The following DLGAP1 variants were observed in gnomAD, a reference collection of about 807,000 sequenced individuals.
The protein encoded by DLGAP1 is disks large-associated protein 1.
In DLGAP1, 11 loss-of-function variants were observed where a neutral mutation model predicts 90.8. The observed-to-expected ratio is 0.12, with a 90% CI of 0.08 to 0.20. DLGAP1 has a LOEUF of 0.20. Ranked by LOEUF, DLGAP1 falls within the 10% of genes least tolerant of loss-of-function variation. The pLI is 1.00. For missense variants in DLGAP1, 1,050 were observed against 1,333.8 expected (o/e 0.79, Z 3.31); for synonymous variants, 558 against 540.7 (o/e 1.03, Z -0.44).
chr18:3,841,640 C>A (rs1273401667), intron 4 of DLGAP1, among the ~76,000 whole-genome samples: 1 of 152,166 alleles, frequency 6.6e-6, no homozygotes, highest in African/African-American at 2.4e-5. Context: ...TCAGTTCTTT[C>A]ATTTACAAAA....
intron 1 of DLGAP1, among the ~76,000 whole-genome samples, chr18:4,196,836 G>C (rs191837620): frequency 6.6e-6 from 1 of 152,184 alleles, no homozygotes; most frequent in Non-Finnish European, 1.5e-5. Flanking sequence ...TTTTCACAAA[G>C]AGAAGCACAA....
intron 7 of DLGAP1, among the ~76,000 whole-genome samples, chr18:3,614,172 G>A (rs867132323): frequency 1.2e-4 from 17 of 141,132 alleles, no homozygotes; most frequent in African/African-American, 3.1e-4. Flanking sequence ...CGCCCGCCTC[G>A]GCCTCCCAAA....
intron 1 of DLGAP1, among the ~76,000 whole-genome samples, chr18:4,451,051 T>C (rs922501517): frequency 9.2e-5 from 14 of 152,292 alleles, no homozygotes; most frequent in African/African-American, 3.4e-4. Flanking sequence ...AATCATTAAC[T>C]CCTATAGGAG....
chr18:4,297,239 G>A (rs2080006405), intron 1 of DLGAP1, among the ~76,000 whole-genome samples: 1 of 152,074 alleles, frequency 6.6e-6, no homozygotes, highest in South Asian at 2.1e-4. Context: ...ATGCCAAGAA[G>A]GGGCAGAGAA....
In DLGAP1 at chr18:3,879,380, C is replaced by A; in HGVS notation, c.689G>T (p.Arg230Leu). 2.5e-6 allele frequency: 4 copies of A among 1,613,182 alleles called. No homozygotes were observed. Among genetic ancestry groups the A allele is most frequent in the Non-Finnish European group, 3.4e-6 (4 of 1,179,838 alleles). The change falls in exon 4 of 13, where the codon CGC becomes CTC. Residue 230 changes from arginine (R) to leucine (L), a missense_variant. Physicochemically the swap from Arg to Leu is moderately radical, Grantham distance 102 (BLOSUM62 -2). Coordinates refer to ENST00000315677, the MANE Select transcript of DLGAP1 (RefSeq NM_004746.4). The surrounding 1 kb of genome is among the most constrained non-coding windows in gnomAD (Gnocchi z 6.6). Reference sequence around the variant, plus strand: ...CTCCAGGAAGTACTGTGAGGCCGAGCGGTCGGGGCACCTGCCCATGGTCAT... The same window carrying A: ...CTCCAGGAAGTACTGTGAGGCCGAGAGGTCGGGGCACCTGCCCATGGTCAT... ...GVMTMGRCPD[R>L]SASQYFLEAY...
chr18:3,928,217 C>T (rs944987714), intron 3 of DLGAP1, among the ~76,000 whole-genome samples: 1 of 152,230 alleles, frequency 6.6e-6, no homozygotes, highest in Non-Finnish European at 1.5e-5. Context: ...CATCTGACTA[C>T]AACAACACAC....
chr18:4,451,303 T>G (rs2083822559), intron 1 of DLGAP1, among the ~76,000 whole-genome samples: 1 of 152,134 alleles, frequency 6.6e-6, no homozygotes, highest in African/African-American at 2.4e-5. Context: ...CCTCATTTTT[T>G]TCTTGTTCTC....
chr18:3,943,662 T>C (rs1038585285), intron 3 of DLGAP1, among the ~76,000 whole-genome samples: 39 of 152,324 alleles, frequency 2.6e-4, no homozygotes, highest in African/African-American at 9.4e-4. Flanking sequence ...AGCCTATAAT[T>C]CATTTTTTCT....
intron 10 of DLGAP1, among the ~76,000 whole-genome samples, chr18:3,523,710 G>A (rs1315430227): frequency 2.6e-5 from 4 of 152,184 alleles, no homozygotes; most frequent in Non-Finnish European, 4.4e-5. Context: ...AGCCAGGCGT[G>A]GTGGCGTGCG....
At chr18:3,703,640 T>G (rs1450403281) in intron 7 of DLGAP1, among the ~76,000 whole-genome samples, 2 of 152,182 alleles carry the variant, frequency 1.3e-5, no homozygotes, top group Non-Finnish European at 2.9e-5. Flanking sequence ...CTCTGCATTC[T>G]TCTTCTCTTT....
intron 7 of DLGAP1, among the ~76,000 whole-genome samples, chr18:3,600,911 G>T (rs1322286510): frequency 9.4e-5 from 7 of 74,492 alleles, no homozygotes; most frequent in Admixed American, 2.5e-4. Context: ...TAGATATATA[G>T]ATAGATATAG....
chr18:3,572,746 G>A (rs1025829481), intron 8 of DLGAP1, among the ~76,000 whole-genome samples: 2 of 151,940 alleles, frequency 1.3e-5, no homozygotes, highest in African/African-American at 2.4e-5. Context: ...CACTACACCC[G>A]GCCTTTAGTT....
intron 7 of DLGAP1, among the ~76,000 whole-genome samples, chr18:3,622,655 T>A (rs2058138084): frequency 6.6e-6 from 1 of 152,156 alleles, no homozygotes; most frequent in Non-Finnish European, 1.5e-5. Flanking sequence ...AGGGGGCTGT[T>A]TCCTCTCATC....
intron 4 of DLGAP1, among the ~76,000 whole-genome samples, chr18:3,865,000 T>G (rs774211388): frequency 3.9e-5 from 6 of 152,046 alleles, no homozygotes; most frequent in Admixed American, 3.3e-4. Flanking sequence ...ATGAGGCTCA[T>G]GTACCAAGCA....
intron 4 of DLGAP1, among the ~76,000 whole-genome samples, chr18:3,849,560 T>C (rs902410041): frequency 6.6e-6 from 1 of 152,142 alleles, no homozygotes; most frequent in East Asian, 1.9e-4. Flanking sequence ...GAAAGTTGAA[T>C]TCTGCTATCA....
intron 4 of DLGAP1, among the ~76,000 whole-genome samples, chr18:3,837,849 CAAAAAAAA>C (rs5822770): frequency 6.3e-4 from 17 of 26,816 alleles, no homozygotes; most frequent in African/African-American, 2.1e-3. Flanking sequence ...GAGATTCTGT[CAAAAAAAA>C]AAAAAAAAAA....
At chr18:4,192,763 C>T (rs4797152) in intron 1 of DLGAP1, among the ~76,000 whole-genome samples, 18,446 of 152,130 alleles carry the variant, frequency 0.12, 1,331 homozygotes, top group South Asian at 0.27. Flanking sequence ...CAATGTGGAT[C>T]TGCAGACTAG....
chr18:3,927,927 A>C (rs2072428928), intron 3 of DLGAP1, among the ~76,000 whole-genome samples: 2 of 152,198 alleles, frequency 1.3e-5, no homozygotes, highest in South Asian at 2.1e-4. Context: ...CTATTGCAAC[A>C]GTTTTTACAA....
At chr18:3,860,102 A>AAAAAAAAAAAAAAAAAAAAAAC (rs2069945869) in intron 4 of DLGAP1, among the ~76,000 whole-genome samples, 1 of 96,020 alleles carries the variant, frequency 1.0e-5, no homozygotes, top group Non-Finnish European at 2.1e-5. Context: ...CTGTCTCAAA[A>AAAAAAAAAAAAAAAAAAAAAAC]AATAAATAAA....
Sources: allele counts gnomAD v4.1 joint callset (sites outside exome capture counted in the v4.1 genomes callset), GRCh38; gene constraint gnomAD v4.1.1; non-coding constraint Gnocchi (gnomAD v3.1); transcripts MANE v1.5; gene names NCBI Gene and HGNC (gene_info 2026-07-23, HGNC 2026-07-21).